Variants in NUP58 observed in about 807,000 individuals in gnomAD.
NUP58 encodes nucleoporin 58.
In NUP58, 17 loss-of-function variants were observed where a neutral mutation model predicts 70.1. That is an observed-to-expected ratio of 0.24 (90% CI 0.17 to 0.36). The LOEUF (loss-of-function observed/expected upper bound fraction) is 0.36. Among genes scored for constraint, NUP58 ranks in the 10% least tolerant of loss-of-function variants. The probability of loss-of-function intolerance (pLI) is 1.00; values close to 1 mark genes in which losing one functional copy is unlikely to be tolerated. For missense variants in NUP58, 644 were observed against 701.5 expected (o/e 0.92, Z 0.93); for synonymous variants, 275 against 257.6 (o/e 1.07, Z -0.65).
chr13:25,313,197 G>A (rs375815935), intron 4 of NUP58, among the ~76,000 whole-genome samples, 165 bp downstream of exon 4: 1 of 152,334 alleles, frequency 6.6e-6, no homozygotes, highest in East Asian at 1.9e-4. Flanking sequence ...CCTATTTAGA[G>A]AGCAAAGCAG....
At chr13:25,346,075 T>C (rs2032045876), downstream of NUP58, among the ~76,000 whole-genome samples, 1 of 152,196 alleles carries the variant, frequency 6.6e-6, no homozygotes, top group Non-Finnish European at 1.5e-5. Context: ...GTCAGTTTAA[T>C]TCAGTAAACA....
At chr13:25,317,703 A>T (rs1435809011) in intron 6 of NUP58, 1 of 152,118 alleles carries the variant, frequency 6.6e-6, no homozygotes, top group Non-Finnish European at 1.5e-5. Flanking sequence ...CGTCTATAGA[A>T]GATAGGTGGC....
At chr13:25,317,644 CAT>C (rs969563907) in intron 6 of NUP58, 93 of 151,970 alleles carry the variant, frequency 6.1e-4, no homozygotes, top group African/African-American at 2.1e-3. Flanking sequence ...TTTGGAGAAA[CAT>C]AAAATGAAAT....
chr13:25,312,878 A>T lies in NUP58; in HGVS notation c.287-5A>T. On this transcript the variant is annotated splice_region_variant and splice_polypyrimidine_tract_variant and intron_variant, in intron 3 of 15. Transcript: ENST00000381736. ...GTTTGTTTATTCATTTATTTATTTA[A>T]ATAGGAACGCCAGCCACTACATCTG... 1 of 1,591,770 alleles carries T rather than the reference A, an allele frequency of 6.3e-7. No homozygotes were observed. The highest frequency in any genetic ancestry group is 1.4e-5 in the African/African-American group (1 of 74,034).
In NUP58 at chr13:25,332,781, G is replaced by C. The variant is rs145381851; in HGVS notation, c.1435+1223G>C. ...AGCTCTCTAGCTGGCTGGAGTGTAG[G>C]ATTGCATTGTTAAGTTATGGAGGGA... On this transcript the variant is annotated intron_variant, in intron 13 of 15. Transcript: ENST00000381736. The C allele has an allele frequency of 1.0e-5, 10 of 985,372 alleles. No homozygotes were observed. The East Asian group carries it at 7.9e-4, about 78-fold the overall frequency. The allele number at this position is 985,372 out of a possible 1,614,324, so 61.0% of individuals were successfully genotyped here.
rs149489423 is a variant in NUP58, at chr13:25,311,673, CTTT to C, written c.287-1191_287-1189del. Among the ~76,000 whole-genome samples the C allele has an allele frequency of 6.0e-3, 730 of 121,908 alleles. 25 individuals carry two copies. The East Asian group carries it at 0.1, about 17-fold the overall frequency. 80.0% of individuals were successfully genotyped at this position (121,908 alleles called of 152,430 possible). On this transcript the variant is annotated intron_variant, in intron 3 of 15. Coordinates refer to ENST00000381736, the MANE Select transcript of NUP58 (RefSeq NM_014089.4). ...TACAGACGTGAGCCACGGCACCTGT[CTTT>C]TTTTTTTTTTTTTTTTTTAAGGTAA...
chr13:25,315,871 G>A (rs1193698435), intron 6 of NUP58, among the ~76,000 whole-genome samples: 2 of 152,168 alleles, frequency 1.3e-5, no homozygotes, highest in Non-Finnish European at 2.9e-5. Context: ...CTGCTCTGGA[G>A]TGGAATTGCC....
At chr13:25,319,844 CATAA>C (rs2031105848) in intron 7 of NUP58, among the ~76,000 whole-genome samples, 3 of 152,016 alleles carry the variant, frequency 2.0e-5, no homozygotes, top group Admixed American at 2.0e-4. Context: ...ATAAAGCATT[CATAA>C]ATAAATGACA....
chr13:25,340,081 C>T lies in NUP58; in HGVS notation c.1747C>T (p.Gln583Ter), dbSNP rs1347238646. 1 of 1,613,618 alleles carries T rather than the reference C, an allele frequency of 6.2e-7. No individual in the cohort carries two copies. Among genetic ancestry groups the T allele is most frequent in the Non-Finnish European group, 8.5e-7 (1 of 1,179,848 alleles). ...PASAGFGTGG[Q>*]LLQLKKPPAG... is the part of the protein sequence containing the mutation. ...CTCTGCAGGTTTTGGAACAGGAGGA[C>T]AACTCCTTCAGTTGAAGAAACCTCC... Residue 583 changes from glutamine (Q) to a stop codon, truncating the protein, a stop_gained, in exon 16 of 16, where the codon CAA becomes TAA. Coordinates refer to ENST00000381736, the MANE Select transcript of NUP58 (RefSeq NM_014089.4). LOFTEE classifies it high-confidence loss of function.
intron 3 of NUP58, among the ~76,000 whole-genome samples, chr13:25,311,482 TCTC>T (rs1480286971): frequency 6.6e-6 from 1 of 152,090 alleles, no homozygotes; most frequent in South Asian, 2.1e-4. Context: ...TTCAAACAAT[TCTC>T]CTGTCTCAGC....
At chr13:25,323,168 G>C (rs1431324118) in intron 9 of NUP58, among the ~76,000 whole-genome samples, 1 of 152,066 alleles carries the variant, frequency 6.6e-6, no homozygotes, top group African/African-American at 2.4e-5. Flanking sequence ...ATTGAGAAGA[G>C]CATAAAGGTG....
chr13:25,311,420 G>A lies in NUP58; in HGVS notation c.287-1463G>A, dbSNP rs539362067. ...GACGGAGTTTTGGTCTTGTTGCACA[G>A]GCTGGAGTGCAATGGCGTGATCTCA... is the stretch of plus-strand genomic sequence containing the variant. On this transcript the variant is annotated intron_variant, in intron 3 of 15. Coordinates refer to ENST00000381736, the MANE Select transcript of NUP58 (RefSeq NM_014089.4). Among the ~76,000 whole-genome samples, 15 of 152,288 alleles carry A rather than the reference G, an allele frequency of 9.8e-5. No homozygotes were observed. The South Asian group carries it at 2.9e-3, about 29-fold the overall frequency.
rs959155670 is a variant in NUP58, at chr13:25,331,816, C to G, written c.1435+258C>G. 4.7e-6 allele frequency: 6 copies of G among 1,278,626 alleles called. No individual in the cohort carries two copies. In the African/African-American group the frequency reaches 9.0e-5, roughly 19 times the overall value. The allele number at this position is 1,278,626 out of a possible 1,614,324, so 79.2% of individuals were successfully genotyped here. A position where few individuals can be genotyped will look rare whatever the true frequency, so the allele number is the denominator to read the frequency against. On this transcript the variant is annotated intron_variant, in intron 13 of 15. Coordinates refer to ENST00000381736, the MANE Select transcript of NUP58 (RefSeq NM_014089.4). ...GTTATTTGCTGTAATGCTATAAATG[C>G]CCTTTAGAACATGGTGTTTCACTAG... is the stretch of plus-strand genomic sequence containing the variant.
At position 25,331,361 on chromosome 13, in the gene NUP58, T is replaced by C; in HGVS notation, c.1238T>C (p.Leu413Pro). ...TTTTGTTTATTATTCTTTTAGGTTC[T>C]GAAAGAACAGTACCTTGGCTACAGG... is the stretch of plus-strand genomic sequence containing the variant. ...LQSIHENVKV[L>P]KEQYLGYRKM... The change falls in exon 13 of 16, where the codon CTG (leucine) becomes CCG (proline). Residue 413 changes from leucine (L) to proline (P), a missense_variant. By Grantham distance (98) the Leu-to-Pro change is moderately conservative. Around this residue, in one of 4 missense-constraint regions of NUP58, gnomAD observed 78 missense variants for 71.3 expected, o/e 1.09. Transcript: ENST00000381736. 1 of 1,613,928 alleles carries C rather than the reference T, an allele frequency of 6.2e-7. No homozygotes were observed. Among genetic ancestry groups the C allele is most frequent in the South Asian group, 1.1e-5 (1 of 91,076 alleles).
intron 1 of NUP58, among the ~76,000 whole-genome samples, chr13:25,307,422 G>A (rs1566056385): frequency 6.6e-6 from 1 of 151,922 alleles, no homozygotes; most frequent in African/African-American, 2.4e-5. Flanking sequence ...CACCCTGTTG[G>A]TCAGGCTGGT....
At chr13:25,333,412 A>G (rs2031676883) in intron 13 of NUP58, 2 of 985,266 alleles carry the variant, frequency 2.0e-6, no homozygotes, top group African/African-American at 1.7e-5. Context: ...CTTTGGGGAA[A>G]TTGACTGCCT....
At position 25,335,203 on chromosome 13, in the gene NUP58, T is replaced by C. The variant is rs17499463; in HGVS notation, c.1436-1733T>C. Reference sequence around the variant, plus strand: ...CATGTATCTGATGTGCAATGGAAAGTCTTGTCATCATTAGATATGAGTTCT... The same window carrying C: ...CATGTATCTGATGTGCAATGGAAAGCCTTGTCATCATTAGATATGAGTTCT... On this transcript the variant is annotated intron_variant, in intron 13 of 15. Transcript: ENST00000381736. The C allele has an allele frequency of 9.4e-3, 9,251 of 985,172 alleles. 113 individuals carry two copies. Among genetic ancestry groups the C allele is most frequent in the Admixed American group, 0.08 (1,294 of 16,266 alleles). 61.0% of individuals were successfully genotyped at this position (985,172 alleles called of 1,614,324 possible).
chr13:25,343,826 TACAC>T (rs1227857988), downstream of NUP58, among the ~76,000 whole-genome samples: 32 of 127,564 alleles, frequency 2.5e-4, no homozygotes, highest in African/African-American at 8.9e-4. Flanking sequence ...TATATATATA[TACAC>T]ATATATATAT....
At chr13:25,335,202 GTC>G in intron 13 of NUP58, 1 of 985,112 alleles carries the variant, frequency 1.0e-6, no homozygotes, top group Non-Finnish European at 1.2e-6. Context: ...GCAATGGAAA[GTC>G]TTGTCATCAT....
Sources: gnomAD v4.1 joint callset for allele counts (sites outside exome capture counted in the v4.1 genomes callset) on GRCh38, gnomAD v4.1.1 for gene constraint, gnomAD v4.1.1 regional missense constraint, MANE v1.5 for transcripts, NCBI Gene and HGNC (gene_info 2026-07-23, HGNC 2026-07-21) for gene names.